Variants in BSCL2 observed in about 807,000 individuals in gnomAD.
BSCL2 encodes BSCL2 lipid droplet biogenesis associated, seipin.
A neutral mutation model predicts 57.4 loss-of-function variants in BSCL2; 41 were observed. The ratio of observed to expected loss-of-function variants is 0.71; its 90% CI spans 0.56 to 0.93. The LOEUF is 0.93. BSCL2 is among the 40% of genes least tolerant of loss of function. BSCL2 has a pLI of 0.00. For synonymous variants in BSCL2, 237 were observed against 227.3 expected (o/e 1.04, Z -0.38); for missense variants, 539 against 586.7 (o/e 0.92, Z 0.84).
At chr11:62,696,378 G>A (rs1590875032) in intron 3 of BSCL2, among the ~76,000 whole-genome samples, 3 of 150,696 alleles carry the variant, frequency 2.0e-5, no homozygotes, top group South Asian at 2.1e-4. Context: ...CACTGTGCCT[G>A]GAACTTCTGG....
rs145129288 is a variant in BSCL2, at chr11:62,707,283, G to A, written c.-88C>T. ...AGTGGCGATCCAGACGCTGATACCT[G>A]TGGCGCATCACATTTTCCTGGATAT... On this transcript the variant is annotated 5_prime_UTR_variant, in exon 1 of 11. Coordinates refer to ENST00000360796, the MANE Select transcript of BSCL2 (RefSeq NM_001122955.4). The A allele has an allele frequency of 7.3e-4, 824 of 1,132,874 alleles. 5 individuals carry two copies. In the African/African-American group the frequency reaches 0.012, roughly 16 times the overall value. The allele number at this position is 1,132,874 out of a possible 1,614,324, so 70.2% of individuals were successfully genotyped here.
intron 2 of BSCL2, 78 bp from the exon 3 acceptor site, chr11:62,702,627 C>G: frequency 8.2e-7 from 1 of 1,217,826 alleles, no homozygotes; most frequent in Non-Finnish European, 1.2e-6. Context: ...CCCCCTAGGG[C>G]TCCCTCCTGC....
In BSCL2 at chr11:62,705,346, T is replaced by A. The variant is rs370905417; in HGVS notation, c.359A>T (p.Tyr120Phe). ...VFLYGSFYYS[Y>F]MPTVSHLSPV... The stretch of plus-strand genomic sequence containing the variant: ...GCTGAGGTGGCTGACTGTCGGCATA[T>A]AGGAATAGTAGAAGGAGCCATAGAG... Residue 120 changes from tyrosine (Y) to phenylalanine (F), a missense_variant, in exon 2 of 11, where the codon TAT becomes TTT. Physicochemically the swap from Tyr to Phe is conservative, Grantham distance 22. This residue lies in a region of BSCL2 where 218 missense variants were observed against 224.8 expected (regional missense o/e 0.97). Transcript: ENST00000360796. 24 of 1,613,804 alleles carry A rather than the reference T, an allele frequency of 1.5e-5. No homozygotes were observed. The highest frequency in any genetic ancestry group is 1.9e-5 in the Non-Finnish European group (23 of 1,179,906).
At chr11:62,697,841 T>G (rs1287968604) in intron 3 of BSCL2, among the ~76,000 whole-genome samples, 7 of 150,464 alleles carry the variant, frequency 4.7e-5, no homozygotes, top group African/African-American at 1.7e-4. Flanking sequence ...ATCTCCATGG[T>G]CTTAGACTAT....
chr11:62,690,269 A>C (rs1353469506), downstream of BSCL2: 13 of 1,558,512 alleles, frequency 8.3e-6, no homozygotes, highest in Non-Finnish European at 1.1e-5. Flanking sequence ...TTTCAGAGTC[A>C]AGGAAGAAGC....
At chr11:62,706,692 C>T (rs1009623981) in intron 1 of BSCL2, 3 of 481,600 alleles carry the variant, frequency 6.2e-6, no homozygotes, top group Non-Finnish European at 1.3e-5. Context: ...TCGCCCACAG[C>T]TCCTAGGACC....
At chr11:62,700,312 C>T (rs1464877942) in intron 3 of BSCL2, among the ~76,000 whole-genome samples, 1 of 152,062 alleles carries the variant, frequency 6.6e-6, no homozygotes, top group Non-Finnish European at 1.5e-5. Context: ...GACATTCTAT[C>T]ATTACATCAG....
chr11:62,704,134 A>G (rs1945739962), intron 2 of BSCL2, among the ~76,000 whole-genome samples: 1 of 148,518 alleles, frequency 6.7e-6, no homozygotes, highest in Non-Finnish European at 1.5e-5. Flanking sequence ...CAAAAAGAAA[A>G]AAAAAAAAAA....
Position 62,690,772 on chromosome 11 carries a change from G to A in BSCL2, c.1153+15C>T, listed in dbSNP as rs759471836. 1.2e-6 allele frequency: 2 copies of A among 1,613,748 alleles called. No individual in the cohort carries two copies. Among genetic ancestry groups the A allele is most frequent in the South Asian group, 2.2e-5 (2 of 91,086 alleles). The stretch of plus-strand genomic sequence containing the variant: ...AAGGAGTCAGGAAGGAGAGAGTGTG[G>A]TGGCTGCGCCATACCTGTCCCTGAG... On this transcript the variant is annotated intron_variant, in intron 9 of 10. Transcript: ENST00000360796.
At chr11:62,692,517 C>G in intron 5 of BSCL2, 44 bp from the exon 6 acceptor site, 1 of 1,609,200 alleles carries the variant, frequency 6.2e-7, no homozygotes, top group Non-Finnish European at 8.5e-7. Context: ...CAGGGTCCTG[C>G]CGCTAGCACT....
intron 3 of BSCL2, among the ~76,000 whole-genome samples, chr11:62,697,793 CAAA>C (rs1239385916): frequency 1.2e-4 from 13 of 105,572 alleles, no homozygotes; most frequent in African/African-American, 1.4e-4. Flanking sequence ...GACTCTGTAT[CAAA>C]AAAAAAAAAA....
At position 62,690,529 on chromosome 11, in the gene BSCL2, A is replaced by C; in HGVS notation, c.1235-8T>G. On this transcript the variant is annotated splice_region_variant and splice_polypyrimidine_tract_variant and intron_variant, in intron 10 of 10. Transcript: ENST00000360796. Reference sequence around the variant, plus strand: ...CTTCCCAGGAGCCTGAACCTGGGCCAGGAAAGGGAAAAACAAAATCTCAAA... The same window carrying C: ...CTTCCCAGGAGCCTGAACCTGGGCCCGGAAAGGGAAAAACAAAATCTCAAA... 6.2e-7 allele frequency: 1 copy of C among 1,614,168 alleles called. No individual in the cohort carries two copies. The highest frequency in any genetic ancestry group is 8.5e-7 in the Non-Finnish European group (1 of 1,180,008).
intron 6 of BSCL2, among the ~76,000 whole-genome samples, chr11:62,691,726 C>T (rs1395966627): frequency 6.6e-6 from 1 of 152,124 alleles, no homozygotes; most frequent in Non-Finnish European, 1.5e-5. Flanking sequence ...ATTCTGTCAG[C>T]CCATCAGCCT....
chr11:62,696,278 T>TTGTTTGTGTGTGTG (rs1945458056), intron 3 of BSCL2, among the ~76,000 whole-genome samples: 1 of 136,228 alleles, frequency 7.3e-6, no homozygotes, highest in African/African-American at 2.7e-5. Flanking sequence ...CATAAACTTT[T>TTGTTTGTGTGTGTG]TGTGTGTGTG....
intron 3 of BSCL2, among the ~76,000 whole-genome samples, chr11:62,701,191 G>A (rs939236604): frequency 1.3e-5 from 2 of 152,128 alleles, no homozygotes; most frequent in African/African-American, 2.4e-5. Context: ...TTATTCCAAT[G>A]TAATAGCTCA....
rs1390537161 is a variant in BSCL2 at position 62,691,401 on chromosome 11, G to A, written c.884C>T (p.Pro295Leu). The A allele has an allele frequency of 1.2e-6, 2 of 1,614,196 alleles. No homozygotes were observed. The highest frequency in any genetic ancestry group is 1.7e-6 in the Non-Finnish European group (2 of 1,180,034). The change falls in exon 7 of 11, where the codon CCG (proline) becomes CTG (leucine). Residue 295 changes from proline (P) to leucine (L), a missense_variant. Physicochemically the swap from Pro to Leu is moderately conservative, Grantham distance 98. Coordinates refer to ENST00000360796, the MANE Select transcript of BSCL2 (RefSeq NM_001122955.4). ...AACACCTATGAAGGCGCAGGTCATCGGGAAGTTGTATAGCAGGTATCTGAG... is the reference window on the plus strand; with the variant it reads ...AACACCTATGAAGGCGCAGGTCATCAGGAAGTTGTATAGCAGGTATCTGAG... ...TGLRYLLYNF[P>L]MTCAFIGVAS...
At chr11:62,692,026 T>G (rs897905222) in intron 6 of BSCL2, among the ~76,000 whole-genome samples, 43 of 143,622 alleles carry the variant, frequency 3.0e-4, no homozygotes, top group Non-Finnish European at 5.5e-4. Flanking sequence ...CACTCCAGCC[T>G]AGGCAACAGA....
intron 3 of BSCL2, 107 bp downstream of exon 3, chr11:62,702,361 C>T (rs1945668166): frequency 3.8e-6 from 4 of 1,052,986 alleles, no homozygotes; most frequent in South Asian, 2.7e-5. Flanking sequence ...CCACCGTGCC[C>T]GGCCAGTCTC....
In BSCL2 at chr11:62,691,122, T is replaced by G. The variant is rs761151329; in HGVS notation, c.1025A>C (p.Asp342Ala). ...TCGTTGGACTTCCTTCCGGGAATTG[T>G]CTCTTTTTCGGATGTTAACCTGTGG... ...FSLQVNIRKR[D>A]NSRKEVQRRI... The change falls in exon 8 of 11, where the codon GAC becomes GCC. Residue 342 changes from aspartate to alanine, a missense_variant. Physicochemically the swap from Asp to Ala is moderately radical, Grantham distance 126 (BLOSUM62 -2). This residue lies in a region of BSCL2 where 248 missense variants were observed against 239.9 expected (regional missense o/e 1.03). Transcript: ENST00000360796. 1.2e-6 allele frequency: 2 copies of G among 1,614,210 alleles called. No homozygotes were observed. Among genetic ancestry groups the G allele is most frequent in the Non-Finnish European group, 1.7e-6 (2 of 1,180,040 alleles).
Sources: allele counts gnomAD v4.1 joint callset (sites outside exome capture counted in the v4.1 genomes callset), GRCh38; gene constraint gnomAD v4.1.1; regional missense constraint gnomAD v4.1.1; transcripts MANE v1.5; gene names NCBI Gene and HGNC (gene_info 2026-07-23, HGNC 2026-07-21).